The following PLPPR1 variants were observed in gnomAD, a reference collection of about 807,000 sequenced individuals.
The protein encoded by PLPPR1 is phospholipid phosphatase related 1.
In PLPPR1, 10 loss-of-function variants were observed where a neutral mutation model predicts 33.1. That is an observed-to-expected ratio of 0.30 (90% CI 0.19 to 0.51). PLPPR1 has a LOEUF of 0.51. Ranked by LOEUF, PLPPR1 falls within the 20% of genes least tolerant of loss-of-function variation. PLPPR1 has a pLI of 0.97. For synonymous variants in PLPPR1, 151 were observed against 151.0 expected (o/e 1.00, Z 0.00); for missense variants, 304 against 408.1 (o/e 0.74, Z 2.20).
intron 1 of PLPPR1, among the ~76,000 whole-genome samples, chr9:101,095,099 C>A (rs552929867): frequency 6.6e-6 from 1 of 152,174 alleles, no homozygotes; most frequent in South Asian, 2.1e-4. Flanking sequence ...TTTCTCAGAT[C>A]TTCAAATTGT....
intron 1 of PLPPR1, among the ~76,000 whole-genome samples, chr9:101,180,702 T>C (rs1826095927): frequency 2.0e-5 from 3 of 151,684 alleles, no homozygotes; most frequent in South Asian, 2.1e-4. Flanking sequence ...AAGAACAAAA[T>C]TGGACTCTTA....
intron 1 of PLPPR1, among the ~76,000 whole-genome samples, chr9:101,081,256 C>A (rs183033938): frequency 6.6e-6 from 1 of 152,144 alleles, no homozygotes; most frequent in East Asian, 1.9e-4. Flanking sequence ...CGCTCTGTCA[C>A]CCGGGCTGGA....
chr9:101,086,701 C>A (rs1830680639), intron 1 of PLPPR1, among the ~76,000 whole-genome samples: 1 of 152,118 alleles, frequency 6.6e-6, no homozygotes. Flanking sequence ...ACCTTTATAT[C>A]CTTGGTCAAA....
At chr9:101,231,367 T>C (rs1013794078) in intron 2 of PLPPR1, among the ~76,000 whole-genome samples, 2 of 151,752 alleles carry the variant, frequency 1.3e-5, no homozygotes, top group African/African-American at 2.4e-5. Context: ...CGTTTGTTTT[T>C]TTTTTTTTTA....
chr9:101,312,808 C>T lies in PLPPR1; in HGVS notation c.647C>T (p.Thr216Ile), dbSNP rs1300855496. 2.5e-6 allele frequency: 4 copies of T among 1,613,862 alleles called. No homozygotes were observed. The highest frequency in any genetic ancestry group is 3.4e-6 in the Non-Finnish European group (4 of 1,179,990). Residue 216 changes from threonine to isoleucine, a missense_variant, in exon 6 of 8, where the codon ACA becomes ATA. Thr to Ile is a moderately conservative substitution (Grantham distance 89, BLOSUM62 -1). Transcript: ENST00000374874. The stretch of plus-strand genomic sequence containing the variant: ...TCTGTCCTATTCCAGATGTATATTA[C>T]AAGCACAATCAAGACGAAGAGCAGT... ...YSALYATMYI[T>I]STIKTKSSRL...
In PLPPR1 at chr9:101,325,064, G is replaced by C. The variant is rs1257963015; in HGVS notation, c.*1007G>C. 6.6e-6 allele frequency: 1 copy of C among 152,034 alleles called. No individual in the cohort carries two copies. The highest frequency in any genetic ancestry group is 1.9e-4 in the East Asian group (1 of 5,192). 9.4% of individuals were successfully genotyped at this position (152,034 alleles called of 1,614,324 possible). On this transcript the variant is annotated 3_prime_UTR_variant, in exon 8 of 8. Coordinates refer to ENST00000374874, the MANE Select transcript of PLPPR1 (RefSeq NM_207299.2). ...CAGAATGTTTTCTTGACACTTCCAT[G>C]TTGGCTCTTCTCAGCTTTTTTTGTA...
At chr9:101,218,151 A>T (rs1256010408) in intron 2 of PLPPR1, among the ~76,000 whole-genome samples, 1 of 152,200 alleles carries the variant, frequency 6.6e-6, no homozygotes, top group East Asian at 1.9e-4. Context: ...TTATGGAAGA[A>T]TACACTATTC....
rs1232003680 is a variant in PLPPR1 at position 101,210,940 on chromosome 9, T to C, written c.63+25383T>C. ...CTGCCACCACGCCTGGCTAATTTTT[T>C]GTATTTTTAGTAGAAACGGGGTTTC... On this transcript the variant is annotated intron_variant, in intron 2 of 7. Coordinates refer to ENST00000374874, the MANE Select transcript of PLPPR1 (RefSeq NM_207299.2). 3.9e-5 allele frequency among the ~76,000 whole-genome samples: 6 copies of C among 152,258 alleles called. No individual in the cohort carries two copies. The East Asian group carries it at 1.2e-3, about 30-fold the overall frequency.
chr9:101,180,333 A>G (rs892938683), intron 1 of PLPPR1, among the ~76,000 whole-genome samples: 1 of 151,286 alleles, frequency 6.6e-6, no homozygotes, highest in Non-Finnish European at 1.5e-5. Context: ...AGGTCTATAG[A>G]TTCAATGAAA....
intron 1 of PLPPR1, among the ~76,000 whole-genome samples, chr9:101,150,458 A>G (rs1175326888): frequency 6.6e-6 from 1 of 152,218 alleles, no homozygotes; most frequent in Non-Finnish European, 1.5e-5. Context: ...TTTATGTACA[A>G]TGAAAGAGAA....
At chr9:101,302,908 T>A (rs1828779100) in intron 4 of PLPPR1, among the ~76,000 whole-genome samples, 1 of 152,228 alleles carries the variant, frequency 6.6e-6, no homozygotes, top group African/African-American at 2.4e-5. Flanking sequence ...TGCTACTACT[T>A]TCACTATCTT....
At chr9:101,168,395 A>G (rs1053618101) in intron 1 of PLPPR1, among the ~76,000 whole-genome samples, 2 of 152,102 alleles carry the variant, frequency 1.3e-5, no homozygotes, top group Non-Finnish European at 2.9e-5. Context: ...GTTCTGTTCC[A>G]TACTTTGCTC....
intron 1 of PLPPR1, among the ~76,000 whole-genome samples, chr9:101,089,550 C>T (rs1444841084): frequency 6.6e-6 from 1 of 152,036 alleles, no homozygotes; most frequent in Non-Finnish European, 1.5e-5. Flanking sequence ...TAATATCGGA[C>T]CAAATGTAAC....
chr9:101,292,261 A>G (rs1828525101), intron 4 of PLPPR1, among the ~76,000 whole-genome samples: 1 of 152,188 alleles, frequency 6.6e-6, no homozygotes, highest in Non-Finnish European at 1.5e-5. Context: ...AAAAGAAATG[A>G]ACAAAGCCTC....
At chr9:101,189,899 T>C (rs1413042185) in intron 2 of PLPPR1, among the ~76,000 whole-genome samples, 1 of 147,716 alleles carries the variant, frequency 6.8e-6, no homozygotes, top group African/African-American at 2.7e-5. Context: ...ATTGGCACTC[T>C]GATCCTCCTG....
At chr9:101,128,848 G>A (rs776402161) in intron 1 of PLPPR1, among the ~76,000 whole-genome samples, 38 of 152,208 alleles carry the variant, frequency 2.5e-4, no homozygotes, top group Admixed American at 1.6e-3. Context: ...AATCAATAGA[G>A]GACTTTGAAA....
chr9:101,154,189 T>C (rs1345868173), intron 1 of PLPPR1, among the ~76,000 whole-genome samples: 1 of 152,226 alleles, frequency 6.6e-6, no homozygotes, highest in Non-Finnish European at 1.5e-5. Context: ...GTTGTGTCTC[T>C]GCCAGGCTTT....
chr9:101,286,615 T>C lies in PLPPR1; in HGVS notation c.385+379T>C, dbSNP rs112013275. On this transcript the variant is annotated intron_variant, in intron 4 of 7. Transcript: ENST00000374874. ...ATTTCCTGACAGACTTCCCATCCAG[T>C]AATTTTGTTATGCAGGGAATTTAAC... 8.5e-5 allele frequency among the ~76,000 whole-genome samples: 13 copies of C among 152,284 alleles called. 1 individual carries two copies. Among genetic ancestry groups the C allele is most frequent in the African/African-American group, 3.1e-4 (13 of 41,566 alleles).
chr9:101,116,444 C>A (rs1050923794), intron 1 of PLPPR1, among the ~76,000 whole-genome samples: 8 of 152,130 alleles, frequency 5.3e-5, no homozygotes, highest in African/African-American at 1.9e-4. Flanking sequence ...TCATGGAAAG[C>A]CTTCTTATTT....
Sources: allele counts gnomAD v4.1 joint callset (sites outside exome capture counted in the v4.1 genomes callset), GRCh38; gene constraint gnomAD v4.1.1; transcripts MANE v1.5; gene names NCBI Gene and HGNC (gene_info 2026-07-23, HGNC 2026-07-21).